Variants in WFDC10A observed in about 807,000 individuals in gnomAD.
WFDC10A encodes the protein WAP four-disulfide core domain 10A.
WFDC10A carries 2 observed loss-of-function variants against 2.6 expected under a neutral mutation model. The observed-to-expected ratio is 0.76, with a 90% CI of 0.31 to 2.40. The LOEUF (loss-of-function observed/expected upper bound fraction) is 2.40, where lower values mean the gene tolerates loss of function less well. Among genes scored for constraint, WFDC10A ranks in the 30% most tolerant of loss-of-function variants. The pLI is 0.12. For synonymous variants in WFDC10A, 36 were observed against 36.3 expected, an observed-to-expected ratio of 0.99 and a Z score of 0.03; for missense variants, 84 against 91.8, an observed-to-expected ratio of 0.92 and a Z score of 0.35.
In WFDC10A at chr20:45,631,158, C is replaced by A. The variant is rs1007358816; in HGVS notation, c.*140C>A. Reference sequence around the variant, plus strand: ...GCCGCCCTCTCTACTGTCTGAACCCCTTGTCCCTGTCAAATAAACCAGAAC... The same window carrying A: ...GCCGCCCTCTCTACTGTCTGAACCCATTGTCCCTGTCAAATAAACCAGAAC... On this transcript the variant is annotated 3_prime_UTR_variant, in exon 2 of 2. Transcript: ENST00000372643. 6.4e-6 allele frequency: 6 copies of A among 939,158 alleles called. No individual in the cohort carries two copies. Among genetic ancestry groups the A allele is most frequent in the African/African-American group, 1.7e-5 (1 of 58,262 alleles). 58.2% of individuals were successfully genotyped at this position (939,158 alleles called of 1,614,324 possible).
In WFDC10A at chr20:45,630,882, C is replaced by T; in HGVS notation, c.104C>T (p.Ser35Phe). The change falls in exon 2 of 2, where the codon TCC becomes TTC. Residue 35 changes from serine (S) to phenylalanine (F), a missense_variant. Ser to Phe is a radical substitution (Grantham distance 155). Coordinates refer to ENST00000372643, the MANE Select transcript of WFDC10A (RefSeq NM_080753.3). ...DKKRMQKTQL[S>F]PEIKVCQQQP... ...TTCTCCTTGTCAGAAACACAGCTAT[C>T]CCCAGAAATCAAAGTCTGCCAGCAG... 1 of 1,601,484 alleles carries T rather than the reference C, an allele frequency of 6.2e-7. No individual in the cohort carries two copies. The highest frequency in any genetic ancestry group is 8.5e-7 in the Non-Finnish European group (1 of 1,174,842).
chr20:45,630,019 C>T, intron 1 of WFDC10A, 115 bp downstream of exon 1: 3 of 1,414,988 alleles, frequency 2.1e-6, no homozygotes, highest in South Asian at 2.7e-5. Flanking sequence ...CCAGCTCTGA[C>T]CACAATGTTG....
At chr20:45,629,957 G>A (rs1982316921) in intron 1 of WFDC10A, 53 bp downstream of exon 1, 3 of 1,597,996 alleles carry the variant, frequency 1.9e-6, no homozygotes, top group Admixed American at 3.4e-5. Context: ...GGGGAATGGA[G>A]GGCCTGTGTC....
At chr20:45,629,997 C>T in intron 1 of WFDC10A, 93 bp downstream of exon 1, 2 of 1,511,624 alleles carry the variant, frequency 1.3e-6, no homozygotes, top group Middle Eastern at 2.4e-4. Context: ...GAGTTGGAAA[C>T]TCTCTGCATA....
At position 45,631,136 on chromosome 20, in the gene WFDC10A, G is replaced by T; in HGVS notation, c.*118G>T. The T allele has an allele frequency of 3.3e-6, 4 of 1,214,312 alleles. No individual in the cohort carries two copies. The highest frequency in any genetic ancestry group is 1.9e-5 in the South Asian group (1 of 52,368). The allele number at this position is 1,214,312 out of a possible 1,614,324, so 75.2% of individuals were successfully genotyped here. On this transcript the variant is annotated 3_prime_UTR_variant, in exon 2 of 2. Coordinates refer to ENST00000372643, the MANE Select transcript of WFDC10A (RefSeq NM_080753.3). ...GCATAAGAACATCAACAGGAATGCC[G>T]CCCTCTCTACTGTCTGAACCCCTTG...
At chr20:45,630,504 G>A (rs1982336730) in intron 1 of WFDC10A, among the ~76,000 whole-genome samples, 1 of 152,148 alleles carries the variant, frequency 6.6e-6, no homozygotes, top group South Asian at 2.1e-4. Context: ...CAGAGACTAG[G>A]AGAGAGTTTG....
chr20:45,629,760 A>G lies in WFDC10A; in HGVS notation c.-54A>G. On this transcript the variant is annotated 5_prime_UTR_variant, in exon 1 of 2. Coordinates refer to ENST00000372643, the MANE Select transcript of WFDC10A (RefSeq NM_080753.3). ...CTTCACTCTCCGTAGACAGCTCTGC[A>G]GGGAAGTCTGTGACAACCTGGCCAG... The G allele has an allele frequency of 6.3e-7, 1 of 1,587,510 alleles. No individual in the cohort carries two copies. The highest frequency in any genetic ancestry group is 8.6e-7 in the Non-Finnish European group (1 of 1,164,540).
Position 45,629,785 on chromosome 20 carries a change from G to T in WFDC10A, c.-29G>T. The T allele has an allele frequency of 6.2e-7, 1 of 1,608,956 alleles. No individual in the cohort carries two copies. On this transcript the variant is annotated 5_prime_UTR_variant, in exon 1 of 2. Transcript: ENST00000372643. Reference sequence around the variant, plus strand: ...AGGGAAGTCTGTGACAACCTGGCCAGACATAGGGCTCACGATCTGATCAGA... The same window carrying T: ...AGGGAAGTCTGTGACAACCTGGCCATACATAGGGCTCACGATCTGATCAGA...
At chr20:45,630,644 C>T (rs1982340410) in intron 1 of WFDC10A, among the ~76,000 whole-genome samples, 1 of 151,910 alleles carries the variant, frequency 6.6e-6, no homozygotes, top group Non-Finnish European at 1.5e-5. Flanking sequence ...GTCCAGGAAG[C>T]CCAGGCATTG....
chr20:45,631,035 G>C lies in WFDC10A; in HGVS notation c.*17G>C. The C allele has an allele frequency of 6.4e-7, 1 of 1,573,152 alleles. No individual in the cohort carries two copies. ...ATCCTGTGAGTGGGAGAGTGGGCTG[G>C]GATGTGCATCCTGCTTCCCAACTCC... On this transcript the variant is annotated 3_prime_UTR_variant, in exon 2 of 2. Transcript: ENST00000372643.
chr20:45,630,880 A>C lies in WFDC10A; in HGVS notation c.102A>C (p.Leu34=). ...RDKKRMQKTQ[L]SPEIKVCQQQ... Reference sequence around the variant, plus strand: ...TATTCTCCTTGTCAGAAACACAGCTATCCCCAGAAATCAAAGTCTGCCAGC... The same window carrying C: ...TATTCTCCTTGTCAGAAACACAGCTCTCCCCAGAAATCAAAGTCTGCCAGC... Residue 34 remains leucine, a synonymous_variant, in exon 2 of 2, where the codon CTA becomes CTC. Coordinates refer to ENST00000372643, the MANE Select transcript of WFDC10A (RefSeq NM_080753.3). The C allele has an allele frequency of 6.2e-7, 1 of 1,601,750 alleles. No homozygotes were observed. Among genetic ancestry groups the C allele is most frequent in the Non-Finnish European group, 8.5e-7 (1 of 1,175,006 alleles).
chr20:45,630,043 C>T, intron 1 of WFDC10A, 139 bp downstream of exon 1: 3 of 1,262,160 alleles, frequency 2.4e-6, no homozygotes, highest in Non-Finnish European at 2.2e-6. Flanking sequence ...AGACTCTGGA[C>T]TGTCCCTAAA....
chr20:45,630,803 G>A, intron 1 of WFDC10A, 67 bp from the exon 2 acceptor site: 2 of 1,487,056 alleles, frequency 1.3e-6, no homozygotes, highest in Non-Finnish European at 1.8e-6. Flanking sequence ...TCTTGGAGGA[G>A]GCTTCAGCTT....
In WFDC10A at chr20:45,631,171, A is replaced by C; in HGVS notation, c.*153A>C. The C allele has an allele frequency of 2.5e-6, 2 of 806,084 alleles. No individual in the cohort carries two copies. Among genetic ancestry groups the C allele is most frequent in the Admixed American group, 8.0e-5 (2 of 24,962 alleles). 49.9% of individuals were successfully genotyped at this position (806,084 alleles called of 1,614,324 possible). A position where few individuals can be genotyped will look rare whatever the true frequency, so the allele number is the denominator to read the frequency against. ...CTGTCTGAACCCCTTGTCCCTGTCA[A>C]ATAAACCAGAACAAATGCCCAGGGA... is the stretch of plus-strand genomic sequence containing the variant. On this transcript the variant is annotated 3_prime_UTR_variant, in exon 2 of 2. Coordinates refer to ENST00000372643, the MANE Select transcript of WFDC10A (RefSeq NM_080753.3).
At position 45,631,074 on chromosome 20, in the gene WFDC10A, G is replaced by A; in HGVS notation, c.*56G>A. On this transcript the variant is annotated 3_prime_UTR_variant, in exon 2 of 2. Transcript: ENST00000372643. ...CTTCCCAACTCCTCTATCCAAGACT[G>A]TGCCCACATCCGAAGCACAAGGACC... 6.7e-7 allele frequency: 1 copy of A among 1,486,824 alleles called. No homozygotes were observed. 92.1% of individuals were successfully genotyped at this position (1,486,824 alleles called of 1,614,324 possible).
intron 1 of WFDC10A, among the ~76,000 whole-genome samples, chr20:45,630,497 A>C (rs1049650294): frequency 3.9e-5 from 6 of 152,172 alleles, no homozygotes; most frequent in Non-Finnish European, 5.9e-5. Context: ...TACTATTCAG[A>C]GACTAGGAGA....
At position 45,630,929 on chromosome 20, in the gene WFDC10A, A is replaced by C; in HGVS notation, c.151A>C (p.Lys51Gln). 6.2e-7 allele frequency: 1 copy of C among 1,612,648 alleles called. No individual in the cohort carries two copies. The change falls in exon 2 of 2, where the codon AAA (lysine) becomes CAA (glutamine). Residue 51 changes from lysine to glutamine, a missense_variant. Transcript: ENST00000372643. ...CQQQPKLYLCKHLCESHRDCQ... is the reference protein window; with the variant it reads ...CQQQPKLYLCQHLCESHRDCQ... ...GCAGCAGCCTAAACTATATCTATGCAAACACTTATGTGAATCTCACCGAGA... is the reference window on the plus strand; with the variant it reads ...GCAGCAGCCTAAACTATATCTATGCCAACACTTATGTGAATCTCACCGAGA...
In WFDC10A at chr20:45,629,756, C is replaced by T. The variant is rs1014287498; in HGVS notation, c.-58C>T. ...CTTCCTTCACTCTCCGTAGACAGCTCTGCAGGGAAGTCTGTGACAACCTGG... is the reference window on the plus strand; with the variant it reads ...CTTCCTTCACTCTCCGTAGACAGCTTTGCAGGGAAGTCTGTGACAACCTGG... On this transcript the variant is annotated 5_prime_UTR_variant, in exon 1 of 2. Coordinates refer to ENST00000372643, the MANE Select transcript of WFDC10A (RefSeq NM_080753.3). 6 of 1,581,772 alleles carry T rather than the reference C, an allele frequency of 3.8e-6. No individual in the cohort carries two copies. Among genetic ancestry groups the T allele is most frequent in the African/African-American group, 1.3e-5 (1 of 74,278 alleles).
In WFDC10A at chr20:45,630,997, T is replaced by A. The variant is rs762149200; in HGVS notation, c.219T>A (p.Asn73Lys). ...NNICCSTYCGNVCMSIL is the reference protein window; with the variant it reads ...NNICCSTYCGKVCMSIL ...TATGCTGTTCTACCTACTGTGGGAA[T>A]GTTTGCATGAGCATCCTGTGAGTGG... The change falls in exon 2 of 2, where the codon AAT becomes AAA. Residue 73 changes from asparagine to lysine, a missense_variant. Coordinates refer to ENST00000372643, the MANE Select transcript of WFDC10A (RefSeq NM_080753.3). 1 of 1,604,042 alleles carries A rather than the reference T, an allele frequency of 6.2e-7. No individual in the cohort carries two copies. Among genetic ancestry groups the A allele is most frequent in the Admixed American group, 1.7e-5 (1 of 58,624 alleles).
Sources: allele counts gnomAD v4.1 joint callset (sites outside exome capture counted in the v4.1 genomes callset), GRCh38; gene constraint gnomAD v4.1.1; transcripts MANE v1.5; gene names NCBI Gene and HGNC (gene_info 2026-07-23, HGNC 2026-07-21).